The following ITFG1 variants were observed in gnomAD, a reference collection of about 807,000 sequenced individuals.
ITFG1 encodes integrin alpha FG-GAP repeat containing 1, also known as T-cell immunomodulatory protein.
In ITFG1, 34 loss-of-function variants were observed where a neutral mutation model predicts 81.8. That is an observed-to-expected ratio of 0.42 (90% CI 0.32 to 0.55). The LOEUF (loss-of-function observed/expected upper bound fraction) is 0.55, where lower values mean the gene tolerates loss of function less well. Ranked by LOEUF, ITFG1 falls within the 20% of genes least tolerant of loss-of-function variation. The probability of loss-of-function intolerance (pLI) is 0.17; values close to 1 mark genes in which losing one functional copy is unlikely to be tolerated. For missense variants in ITFG1, 672 were observed against 755.4 expected (o/e 0.89, Z 1.29); for synonymous variants, 285 against 270.6 (o/e 1.05, Z -0.52).
At chr16:47,183,554 C>A (rs575967837) in intron 14 of ITFG1, among the ~76,000 whole-genome samples, 1 of 152,146 alleles carries the variant, frequency 6.6e-6, no homozygotes, top group African/African-American at 2.4e-5. Flanking sequence ...CCGGGTACTC[C>A]AACAGACCTG....
chr16:47,337,008 G>A (rs1194807148), intron 8 of ITFG1, among the ~76,000 whole-genome samples: 2 of 151,072 alleles, frequency 1.3e-5, no homozygotes, highest in Non-Finnish European at 3.0e-5. Context: ...AGTGGCTCAT[G>A]CCTGTGGGCA....
At position 47,208,974 on chromosome 16, in the gene ITFG1, A is replaced by C. The variant is rs59654011; in HGVS notation, c.1453+9894T>G. 4.1e-4 allele frequency among the ~76,000 whole-genome samples: 63 copies of C among 152,330 alleles called. No homozygotes were observed. In the East Asian group the frequency reaches 0.011, roughly 27 times the overall value. ...AAATATCCTTCCTCACAATTATTCA[A>C]ATACTTTAAATGTTTATCATTGTCA... is the stretch of plus-strand genomic sequence containing the variant. On this transcript the variant is annotated intron_variant, in intron 14 of 17. Coordinates refer to ENST00000320640, the MANE Select transcript of ITFG1 (RefSeq NM_030790.5).
chr16:47,190,126 A>C (rs948720718), intron 14 of ITFG1, among the ~76,000 whole-genome samples: 2 of 152,162 alleles, frequency 1.3e-5, no homozygotes, highest in African/African-American at 4.8e-5. Flanking sequence ...GACTTAGTGC[A>C]CTTAATTTTC....
At chr16:47,300,142 G>C (rs116798903) in intron 10 of ITFG1, among the ~76,000 whole-genome samples, 3,488 of 152,284 alleles carry the variant, frequency 0.023, 132 homozygotes, top group African/African-American at 0.077. Context: ...ACTGCAGAAA[G>C]AGTTTCATTC....
chr16:47,403,049 A>C (rs748391887), intron 6 of ITFG1, among the ~76,000 whole-genome samples: 2 of 152,192 alleles, frequency 1.3e-5, no homozygotes, highest in African/African-American at 4.8e-5. Context: ...TACGGTCAAC[A>C]AAGTTCTGTC....
rs1182991695 is a variant in ITFG1, at chr16:47,258,748, A to G, written c.1222-8T>C. On this transcript the variant is annotated splice_region_variant and splice_polypyrimidine_tract_variant and intron_variant, in intron 11 of 17. Transcript: ENST00000320640. ...TACAATGTCCAAGATTCCCTGGAAA[A>G]AAACAAACAAAAATGGTAAGAACAA... 4 of 1,315,440 alleles carry G rather than the reference A, an allele frequency of 3.0e-6. No homozygotes were observed. The highest frequency in any genetic ancestry group is 4.2e-6 in the Non-Finnish European group (4 of 958,876). 81.5% of individuals were successfully genotyped at this position (1,315,440 alleles called of 1,614,324 possible).
chr16:47,450,819 C>G (rs1969379371), intron 5 of ITFG1, among the ~76,000 whole-genome samples: 1 of 152,110 alleles, frequency 6.6e-6, no homozygotes, highest in Non-Finnish European at 1.5e-5. Flanking sequence ...CTATTTAAAT[C>G]CAGAGTAATT....
At chr16:47,218,776 G>T in intron 14 of ITFG1, 92 bp downstream of exon 14, 1 of 606,372 alleles carries the variant, frequency 1.6e-6, no homozygotes, top group Non-Finnish European at 2.8e-6. Flanking sequence ...TTATTAAGGA[G>T]TGTGAAAACA....
intron 14 of ITFG1, among the ~76,000 whole-genome samples, chr16:47,216,937 C>A (rs2151526298): frequency 6.6e-6 from 1 of 152,276 alleles, no homozygotes; most frequent in Middle Eastern, 3.4e-3. Flanking sequence ...GGATTACAGG[C>A]ATGAGCACCT....
intron 6 of ITFG1, among the ~76,000 whole-genome samples, chr16:47,402,002 A>G (rs1186563345): frequency 6.6e-6 from 1 of 152,126 alleles, no homozygotes; most frequent in Non-Finnish European, 1.5e-5. Flanking sequence ...TCATGATGAC[A>G]TATTTTCTCG....
intron 6 of ITFG1, among the ~76,000 whole-genome samples, chr16:47,404,275 G>A (rs1470690134): frequency 6.6e-6 from 1 of 152,064 alleles, no homozygotes; most frequent in Non-Finnish European, 1.5e-5. Flanking sequence ...GACTTGATAA[G>A]TTAAAAGAAA....
At position 47,222,346 on chromosome 16, in the gene ITFG1, C is replaced by T. The variant is rs1213733235; in HGVS notation, c.1375-3400G>A. Among the ~76,000 whole-genome samples the T allele has an allele frequency of 4.6e-5, 7 of 151,394 alleles. 1 individual carries two copies. The highest frequency in any genetic ancestry group is 4.4e-5 in the Non-Finnish European group (3 of 67,904). On this transcript the variant is annotated intron_variant, in intron 13 of 17. Transcript: ENST00000320640. ...TTTCTGCCTTCATTTCATTATGTAC[C>T]CAGTAGTCATTCAGGAGCAGGTTGT...
chr16:47,208,533 G>A (rs1038741398), intron 14 of ITFG1, among the ~76,000 whole-genome samples: 3 of 152,158 alleles, frequency 2.0e-5, no homozygotes, highest in Non-Finnish European at 2.9e-5. Context: ...CTGACATCAG[G>A]TGGTTAACAT....
At chr16:47,421,680 CT>C (rs938274076) in intron 6 of ITFG1, among the ~76,000 whole-genome samples, 1 of 151,918 alleles carries the variant, frequency 6.6e-6, no homozygotes, top group African/African-American at 2.4e-5. Context: ...TTAATTATTC[CT>C]TTTTTTTAAA....
At chr16:47,202,889 G>A (rs556899572) in intron 14 of ITFG1, among the ~76,000 whole-genome samples, 58 of 152,296 alleles carry the variant, frequency 3.8e-4, no homozygotes, top group Non-Finnish European at 6.6e-4. Context: ...TGCACCCTGT[G>A]TACTGTGGTG....
intron 13 of ITFG1, among the ~76,000 whole-genome samples, chr16:47,223,184 T>G (rs1024333456): frequency 1.3e-5 from 2 of 151,632 alleles, no homozygotes; most frequent in African/African-American, 2.4e-5. Flanking sequence ...GGCAAGGACT[T>G]CATGTCTAAA....
intron 8 of ITFG1, among the ~76,000 whole-genome samples, chr16:47,343,573 A>G (rs1247726507): frequency 6.6e-6 from 1 of 152,126 alleles, no homozygotes; most frequent in East Asian, 1.9e-4. Flanking sequence ...TCCAAAGAAG[A>G]TATAAAAATG....
intron 7 of ITFG1, among the ~76,000 whole-genome samples, chr16:47,368,882 C>T (rs1441023256): frequency 6.6e-6 from 1 of 152,122 alleles, no homozygotes; most frequent in African/African-American, 2.4e-5. Flanking sequence ...TGCCCACTTC[C>T]AATTGCTGGA....
At chr16:47,205,835 T>TCTATCTATCTAC (rs1236018834) in intron 14 of ITFG1, among the ~76,000 whole-genome samples, 12 of 60,848 alleles carry the variant, frequency 2.0e-4, no homozygotes, top group African/African-American at 5.5e-4. Context: ...AAATTATCTA[T>TCTATCTATCTAC]CTATCTATCT....
Sources: allele counts gnomAD v4.1 joint callset (sites outside exome capture counted in the v4.1 genomes callset), GRCh38; gene constraint gnomAD v4.1.1; transcripts MANE v1.5; gene names NCBI Gene and HGNC (gene_info 2026-07-23, HGNC 2026-07-21).